Variants in SPR observed in about 807,000 individuals in gnomAD.
The protein encoded by SPR is sepiapterin reductase, also known as Sepiapterin reductase (L-erythro-7,8-dihydrobiopterin forming).
A neutral mutation model predicts 16.0 loss-of-function variants in SPR; 12 were observed. The observed-to-expected ratio is 0.75, with a 90% confidence interval of 0.48 to 1.22. The LOEUF (loss-of-function observed/expected upper bound fraction) is 1.22, where lower values mean the gene tolerates loss of function less well. Ranked by LOEUF, SPR falls within the 50% of genes most tolerant of loss-of-function variation. The probability of loss-of-function intolerance (pLI) is 0.00; values close to 1 mark genes in which losing one functional copy is unlikely to be tolerated. For missense variants in SPR, 324 were observed against 344.4 expected, an observed-to-expected ratio of 0.94 and a Z score of 0.47; for synonymous variants, 177 against 168.5, an observed-to-expected ratio of 1.05 and a Z score of -0.39.
intron 2 of SPR, among the ~76,000 whole-genome samples, chr2:72,891,142 G>A (rs1670614409): frequency 6.6e-6 from 1 of 152,210 alleles, no homozygotes; most frequent in Admixed American, 6.5e-5. Flanking sequence ...GAGGGTCCAT[G>A]TTCAGTGGGC....
chr2:72,887,437 AG>A lies in SPR; in HGVS notation c.8del (p.Gly3AlafsTer10). The A allele has an allele frequency of 6.7e-7, 1 of 1,494,482 alleles. No individual in the cohort carries two copies. 92.6% of individuals were successfully genotyped at this position (1,494,482 alleles called of 1,614,324 possible). ...CCGCCGGCGGAGAACAGGAGCATGGAGGGCGGGCTGGGGCGTGCTGTGTGCT... is the reference window on the plus strand; with the variant it reads ...CCGCCGGCGGAGAACAGGAGCATGGAGGCGGGCTGGGGCGTGCTGTGTGCT... M[E>X]GGLGRAVCLL... On this transcript the variant is annotated frameshift_variant, in exon 1 of 3. Coordinates refer to ENST00000234454, the MANE Select transcript of SPR (RefSeq NM_003124.5). LOFTEE classifies it high-confidence loss of function.
chr2:72,888,646 T>C, intron 2 of SPR, 42 bp downstream of exon 2: 1 of 1,554,516 alleles, frequency 6.4e-7, no homozygotes, highest in Non-Finnish European at 8.7e-7. Flanking sequence ...CAGAACCCAC[T>C]GGTGCGCCTC....
At chr2:72,889,191 G>C (rs1266911839) in intron 2 of SPR, among the ~76,000 whole-genome samples, 1 of 152,194 alleles carries the variant, frequency 6.6e-6, no homozygotes, top group Non-Finnish European at 1.5e-5. Flanking sequence ...GACCATCCCT[G>C]GCTGAACTGT....
rs774854066 is a variant in SPR at position 72,887,676 on chromosome 2, G to A, written c.244G>A (p.Ala82Thr). The A allele has an allele frequency of 3.2e-5, 48 of 1,496,768 alleles. 1 individual carries two copies. The highest frequency in any genetic ancestry group is 2.6e-4 in the Admixed American group (12 of 46,264). The allele number at this position is 1,496,768 out of a possible 1,614,324, so 92.7% of individuals were successfully genotyped here. ...GGCCGGCTTGCAGCAGCTGCTCGGC[G>A]CCCTGCGCGAGCTCCCCCGGCCCAA... is the stretch of plus-strand genomic sequence containing the variant. Reference protein sequence around the residue: ...AEAGLQQLLGALRELPRPKGL... With the variant: ...AEAGLQQLLGTLRELPRPKGL... The change falls in exon 1 of 3, where the codon GCC (alanine) becomes ACC (threonine). Residue 82 changes from alanine (A) to threonine (T), a missense_variant. Coordinates refer to ENST00000234454, the MANE Select transcript of SPR (RefSeq NM_003124.5).
rs1442276776 is a variant in SPR, at chr2:72,888,363, T to C, written c.354T>C (p.Thr118=). Residue 118 remains threonine (T), a synonymous_variant, in exon 2 of 3, where the codon ACT becomes ACC. Coordinates refer to ENST00000234454, the MANE Select transcript of SPR (RefSeq NM_003124.5). ...SKGFVDLSDS[T]QVNNYWALNL... is the part of the protein sequence containing the mutation. ...GCTTCGTGGACCTGAGTGACTCCAC[T>C]CAAGTGAACAACTACTGGGCACTGA... is the stretch of plus-strand genomic sequence containing the variant. The C allele has an allele frequency of 6.8e-6, 11 of 1,614,038 alleles. No homozygotes were observed. The highest frequency in any genetic ancestry group is 9.3e-6 in the Non-Finnish European group (11 of 1,180,038).
intron 2 of SPR, 35 bp from the exon 3 acceptor site, chr2:72,891,312 C>T: frequency 1.9e-6 from 3 of 1,612,966 alleles, no homozygotes; most frequent in Non-Finnish European, 2.5e-6. Flanking sequence ...CCTGCCTTGG[C>T]CATGTTCCCT....
intron 1 of SPR, 67 bp from the exon 2 acceptor site, chr2:72,888,247 C>T: frequency 6.5e-7 from 1 of 1,529,358 alleles, no homozygotes; most frequent in South Asian, 1.1e-5. Context: ...TCTGGAGGAA[C>T]TTGGGAGGGC....
Position 72,891,635 on chromosome 2 carries a change from C to G in SPR, c.*98C>G. The stretch of plus-strand genomic sequence containing the variant: ...CACCCTGCCATAGGGGCAGTCCTGC[C>G]TTACACATAGAAGCATTCATGCCTG... On this transcript the variant is annotated 3_prime_UTR_variant, in exon 3 of 3. Coordinates refer to ENST00000234454, the MANE Select transcript of SPR (RefSeq NM_003124.5). 3 of 1,403,218 alleles carry G rather than the reference C, an allele frequency of 2.1e-6. No homozygotes were observed. In the East Asian group the frequency reaches 7.0e-5, roughly 33 times the overall value. 86.9% of individuals were successfully genotyped at this position (1,403,218 alleles called of 1,614,324 possible).
Position 72,888,384 on chromosome 2 carries a change from A to G in SPR, c.375A>G (p.Ala125=), listed in dbSNP as rs1410422466. 3.7e-6 allele frequency: 6 copies of G among 1,614,156 alleles called. No individual in the cohort carries two copies. The highest frequency in any genetic ancestry group is 1.3e-5 in the African/African-American group (1 of 75,044). Residue 125 remains alanine (A), a synonymous_variant, in exon 2 of 3, where the codon GCA becomes GCG. Coordinates refer to ENST00000234454, the MANE Select transcript of SPR (RefSeq NM_003124.5). Reference sequence around the variant, plus strand: ...CCACTCAAGTGAACAACTACTGGGCACTGAACTTGACCTCCATGCTCTGCC... The same window carrying G: ...CCACTCAAGTGAACAACTACTGGGCGCTGAACTTGACCTCCATGCTCTGCC... ...SDSTQVNNYW[A]LNLTSMLCLT...
chr2:72,891,223 C>T (rs1293412428), intron 2 of SPR, 124 bp from the exon 3 acceptor site: 13 of 1,010,248 alleles, frequency 1.3e-5, no homozygotes, highest in Non-Finnish European at 1.7e-5. Flanking sequence ...CACATTTCAG[C>T]CAAGATGACG....
chr2:72,891,650 AT>A lies in SPR; in HGVS notation c.*115del. 7.9e-7 allele frequency: 1 copy of A among 1,259,888 alleles called. No individual in the cohort carries two copies. The highest frequency in any genetic ancestry group is 1.3e-5 in the South Asian group (1 of 79,042). 78.0% of individuals were successfully genotyped at this position (1,259,888 alleles called of 1,614,324 possible). A position where few individuals can be genotyped will look rare whatever the true frequency, so the allele number is the denominator to read the frequency against. ...GCAGTCCTGCCTTACACATAGAAGC[AT>A]TCATGCCTGCTGCCCTGCCCTCAGG... On this transcript the variant is annotated 3_prime_UTR_variant, in exon 3 of 3. Transcript: ENST00000234454.
chr2:72,888,206 T>TC, intron 1 of SPR, 108 bp from the exon 2 acceptor site: 2 of 1,154,000 alleles, frequency 1.7e-6, no homozygotes, highest in Non-Finnish European at 2.6e-6. Context: ...CTAGGCAGCT[T>TC]CCTCCTCTAG....
chr2:72,891,625 G>T lies in SPR; in HGVS notation c.*88G>T. ...TGGCTCCCCACACCCTGCCATAGGG[G>T]CAGTCCTGCCTTACACATAGAAGCA... On this transcript the variant is annotated 3_prime_UTR_variant, in exon 3 of 3. Coordinates refer to ENST00000234454, the MANE Select transcript of SPR (RefSeq NM_003124.5). 3.4e-6 allele frequency: 5 copies of T among 1,472,930 alleles called. No individual in the cohort carries two copies. Among genetic ancestry groups the T allele is most frequent in the African/African-American group, 1.4e-5 (1 of 72,192 alleles). The allele number at this position is 1,472,930 out of a possible 1,614,324, so 91.2% of individuals were successfully genotyped here.
At chr2:72,888,683 G>C (rs969100976) in intron 2 of SPR, 79 bp downstream of exon 2, 8 of 1,436,126 alleles carry the variant, frequency 5.6e-6, no homozygotes, top group African/African-American at 4.3e-5. Context: ...GGCCTAGTCC[G>C]CCCCCTCCAG....
At chr2:72,889,881 A>G (rs1670594401) in intron 2 of SPR, among the ~76,000 whole-genome samples, 1 of 152,188 alleles carries the variant, frequency 6.6e-6, no homozygotes, top group African/African-American at 2.4e-5. Flanking sequence ...GAAAGGCAGC[A>G]AGTCCTCTCT....
chr2:72,890,381 T>G (rs973705963), intron 2 of SPR, among the ~76,000 whole-genome samples: 2 of 152,204 alleles, frequency 1.3e-5, no homozygotes, highest in African/African-American at 4.8e-5. Flanking sequence ...CTCACTCTGT[T>G]GCCTAGGCTG....
Position 72,887,439 on chromosome 2 carries a change from G to A in SPR, c.7G>A (p.Gly3Ser), listed in dbSNP as rs746828500. 6.7e-7 allele frequency: 1 copy of A among 1,495,564 alleles called. No homozygotes were observed. The allele number at this position is 1,495,564 out of a possible 1,614,324, so 92.6% of individuals were successfully genotyped here. ...GCCGGCGGAGAACAGGAGCATGGAG[G>A]GCGGGCTGGGGCGTGCTGTGTGCTT... is the stretch of plus-strand genomic sequence containing the variant. ME[G>S]GLGRAVCLLT... Residue 3 changes from glycine to serine, a missense_variant, in exon 1 of 3, where the codon GGC (glycine) becomes AGC (serine). By Grantham distance (56) the Gly-to-Ser change is moderately conservative. Transcript: ENST00000234454.
intron 1 of SPR, among the ~76,000 whole-genome samples, chr2:72,888,094 A>G (rs1670569138): frequency 1.3e-5 from 2 of 152,152 alleles, no homozygotes; most frequent in South Asian, 4.1e-4. Flanking sequence ...CTTCAGCCCC[A>G]CGGCAAGGCA....
intron 1 of SPR, among the ~76,000 whole-genome samples, chr2:72,888,022 C>T (rs1385274906): frequency 6.6e-6 from 1 of 152,216 alleles, no homozygotes; most frequent in South Asian, 2.1e-4. Context: ...AGGCCTGAGT[C>T]AGGGCTTGGA....
Sources: gnomAD v4.1 joint callset for allele counts (sites outside exome capture counted in the v4.1 genomes callset) on GRCh38, gnomAD v4.1.1 for gene constraint, MANE v1.5 for transcripts, NCBI Gene and HGNC (gene_info 2026-07-23, HGNC 2026-07-21) for gene names.